SOX5: variants seen among roughly 807,000 people sequenced by gnomAD.
SOX5 encodes SRY-box transcription factor 5.
SOX5 carries 9 observed loss-of-function variants against 92.0 expected under a neutral mutation model. That is an observed-to-expected ratio of 0.10 (90% CI 0.06 to 0.17). The LOEUF is 0.17. SOX5 is among the 10% of genes least tolerant of loss of function. The pLI is 1.00. For synonymous variants in SOX5, 344 were observed against 336.3 expected, an observed-to-expected ratio of 1.02 and a Z score of -0.25; for missense variants, 642 against 944.5, an observed-to-expected ratio of 0.68 and a Z score of 4.20.
chr12:24,515,261 G>A (rs1341142442), intron 1 of SOX5, among the ~76,000 whole-genome samples: 2 of 152,110 alleles, frequency 1.3e-5, no homozygotes, highest in Admixed American at 1.3e-4. Context: ...CTACTTACTT[G>A]TACTATTGAA....
intron 1 of SOX5, among the ~76,000 whole-genome samples, chr12:24,486,933 G>C (rs1946584175): frequency 6.6e-6 from 1 of 152,118 alleles, no homozygotes; most frequent in South Asian, 2.1e-4. Flanking sequence ...AGATGAATTT[G>C]CACCCTGATA....
intron 4 of SOX5, among the ~76,000 whole-genome samples, chr12:23,744,571 T>C (rs1225876109): frequency 6.6e-6 from 1 of 152,168 alleles, no homozygotes; most frequent in African/African-American, 2.4e-5. Context: ...TTCCTCAAAA[T>C]AGGTTTGTTT....
intron 4 of SOX5, among the ~76,000 whole-genome samples, chr12:24,058,437 C>T (rs1939010432): frequency 6.6e-6 from 1 of 152,172 alleles, no homozygotes; most frequent in African/African-American, 2.4e-5. Context: ...GAAATCAATA[C>T]ATCCCCTCGT....
chr12:24,296,362 C>A (rs1947245545), intron 2 of SOX5, among the ~76,000 whole-genome samples: 1 of 152,206 alleles, frequency 6.6e-6, no homozygotes, highest in Non-Finnish European at 1.5e-5. Flanking sequence ...AAGTCACAGA[C>A]ATTTAAGACT....
intron 6 of SOX5, among the ~76,000 whole-genome samples, chr12:23,730,729 G>A (rs1220777156): frequency 6.6e-6 from 1 of 152,178 alleles, no homozygotes; most frequent in Non-Finnish European, 1.5e-5. Flanking sequence ...CCGTTCACTT[G>A]CAGATTCTTA....
intron 1 of SOX5, among the ~76,000 whole-genome samples, chr12:24,540,522 T>C (rs923393997): frequency 6.6e-6 from 1 of 152,090 alleles, no homozygotes; most frequent in African/African-American, 2.4e-5. Context: ...ATTTCATAAT[T>C]TGAAAGTCAA....
chr12:24,104,680 GC>G (rs1293708549), intron 4 of SOX5, among the ~76,000 whole-genome samples: 1 of 152,116 alleles, frequency 6.6e-6, no homozygotes, highest in African/African-American at 2.4e-5. Flanking sequence ...GAGTGTGTGA[GC>G]CATTTCTGGC....
At chr12:24,273,320 T>A (rs1464011015) in intron 3 of SOX5, among the ~76,000 whole-genome samples, 1 of 152,206 alleles carries the variant, frequency 6.6e-6, no homozygotes, top group Admixed American at 6.5e-5. Context: ...TGGTCAAGAT[T>A]TTGCTTTTGC....
intron 1 of SOX5, among the ~76,000 whole-genome samples, chr12:24,529,469 C>T (rs1451151012): frequency 6.6e-6 from 1 of 151,996 alleles, no homozygotes; most frequent in African/African-American, 2.4e-5. Context: ...TACCTTTTAA[C>T]GAAAAGAAAA....
At chr12:24,073,808 T>C (rs1046836053) in intron 4 of SOX5, among the ~76,000 whole-genome samples, 5 of 152,166 alleles carry the variant, frequency 3.3e-5, no homozygotes, top group Non-Finnish European at 7.4e-5. Context: ...AATAAATAAA[T>C]AATACACAAT....
chr12:24,092,541 G>T (rs1944782393), intron 4 of SOX5, among the ~76,000 whole-genome samples: 1 of 152,142 alleles, frequency 6.6e-6, no homozygotes, highest in African/African-American at 2.4e-5. Flanking sequence ...GAAGCCTGCA[G>T]ACTCTTTGAC....
At chr12:24,362,666 TGATCAGGTAAGGAGTC>T (rs1359189150) in intron 2 of SOX5, among the ~76,000 whole-genome samples, 1 of 151,898 alleles carries the variant, frequency 6.6e-6, no homozygotes, top group Non-Finnish European at 1.5e-5. Context: ...CAGGACTCTG[TGATCAGGTAAGGAGTC>T]GACACCAGGA....
intron 2 of SOX5, among the ~76,000 whole-genome samples, chr12:24,333,052 CAAT>C (rs1267969473): frequency 2.6e-5 from 4 of 151,460 alleles, no homozygotes. Context: ...CAAAACGCGA[CAAT>C]ATTAGAAAAA....
At chr12:23,977,271 T>A (rs1949022961) in intron 4 of SOX5, among the ~76,000 whole-genome samples, 1 of 152,120 alleles carries the variant, frequency 6.6e-6, no homozygotes, top group South Asian at 2.1e-4. Flanking sequence ...ATTTGGAGCA[T>A]GCTATAAAAT....
At chr12:24,252,579 C>T (rs771482330) in intron 3 of SOX5, among the ~76,000 whole-genome samples, 22 of 151,380 alleles carry the variant, frequency 1.5e-4, no homozygotes, top group Middle Eastern at 3.2e-3. Context: ...ATGAAAGCTT[C>T]GGGCATCTAA....
At chr12:24,160,892 G>C (rs761501903) in intron 4 of SOX5, among the ~76,000 whole-genome samples, 1 of 151,992 alleles carries the variant, frequency 6.6e-6, no homozygotes, top group Admixed American at 6.6e-5. Context: ...ACAAACAATA[G>C]CATGTGCACA....
chr12:24,511,823 T>C (rs930665782), intron 1 of SOX5, among the ~76,000 whole-genome samples: 3 of 152,090 alleles, frequency 2.0e-5, no homozygotes, highest in Non-Finnish European at 2.9e-5. Flanking sequence ...CCGGGCGTGG[T>C]GGCGGGTGCC....
intron 2 of SOX5, among the ~76,000 whole-genome samples, chr12:24,355,490 G>A (rs1044605619): frequency 7.9e-5 from 12 of 151,768 alleles, no homozygotes; most frequent in Non-Finnish European, 1.6e-4. Context: ...ACACATCCTA[G>A]CAATCTGGAA....
At chr12:23,801,359 T>G (rs1217856375) in intron 3 of SOX5, among the ~76,000 whole-genome samples, 3 of 152,140 alleles carry the variant, frequency 2.0e-5, no homozygotes, top group African/African-American at 7.2e-5. Context: ...AGGCCTTCCT[T>G]CAATCTTCCA....
Sources: gnomAD v4.1 joint callset for allele counts (sites outside exome capture counted in the v4.1 genomes callset) on GRCh38, gnomAD v4.1.1 for gene constraint, MANE v1.5 for transcripts, NCBI Gene and HGNC (gene_info 2026-07-23, HGNC 2026-07-21) for gene names.